Variants in TRAPPC9 observed in about 807,000 individuals in gnomAD.
TRAPPC9 encodes IKK2 binding protein.
Under a neutral mutation model 124.0 loss-of-function variants are expected in TRAPPC9, and 83 were observed. That is an observed-to-expected ratio of 0.67 (90% CI 0.56 to 0.80). TRAPPC9 has a LOEUF of 0.80. Ranked by LOEUF, TRAPPC9 falls within the 30% of genes least tolerant of loss-of-function variation. The pLI, the probability that TRAPPC9 is intolerant of heterozygous loss-of-function variation, is 0.00. For missense variants in TRAPPC9, 1,302 were observed against 1,508.3 expected (o/e 0.86, Z 2.27); for synonymous variants, 638 against 617.5 (o/e 1.03, Z -0.49).
chr8:140,178,213 G>A (rs2062115082), intron 17 of TRAPPC9, among the ~76,000 whole-genome samples: 1 of 152,100 alleles, frequency 6.6e-6, no homozygotes, highest in African/African-American at 2.4e-5. Context: ...CCGGCCTTAG[G>A]AGGAAAGCAT....
chr8:139,776,403 G>A lies in TRAPPC9; in HGVS notation c.3056-44201C>T, dbSNP rs906153333. On this transcript the variant is annotated intron_variant, in intron 21 of 22. Transcript: ENST00000438773. This position sits in a 1 kb window ranked among gnomAD's most constrained non-coding sequence, Gnocchi z 4.1. ...CCGTGACCCAAAGAGAGGTCACAACGAATTGGGAAGGATGGGGTGGCACCA... is the reference window on the plus strand; with the variant it reads ...CCGTGACCCAAAGAGAGGTCACAACAAATTGGGAAGGATGGGGTGGCACCA... Among the ~76,000 whole-genome samples the A allele has an allele frequency of 2.6e-5, 4 of 152,252 alleles. No individual in the cohort carries two copies. Among genetic ancestry groups the A allele is most frequent in the Non-Finnish European group, 4.4e-5 (3 of 68,050 alleles).
chr8:140,283,125 C>T (rs2065374185), intron 14 of TRAPPC9, among the ~76,000 whole-genome samples: 1 of 151,748 alleles, frequency 6.6e-6, no homozygotes, highest in Non-Finnish European at 1.5e-5. Context: ...GTAGTCCCAG[C>T]TACTTAGGAG....
In TRAPPC9 at chr8:140,036,346, G is replaced by A. The variant is rs1245835173; in HGVS notation, c.2557-12267C>T. Among the ~76,000 whole-genome samples, 7 of 152,134 alleles carry A rather than the reference G, an allele frequency of 4.6e-5. No homozygotes were observed. In the South Asian group the frequency reaches 6.2e-4, roughly 14 times the overall value. ...GGTGAAGACTGATGGGGACGTGTTC[G>A]GGGGGTGGCATGGAGTGAACATTGA... On this transcript the variant is annotated intron_variant, in intron 17 of 22. Transcript: ENST00000438773.
Position 140,177,968 on chromosome 8 carries a change from T to C in TRAPPC9, c.2556+43491A>G, listed in dbSNP as rs116180485. Among the ~76,000 whole-genome samples the C allele has an allele frequency of 3.1e-3, 468 of 152,268 alleles. 2 individuals are homozygous for C. The highest frequency in any genetic ancestry group is 9.9e-3 in the African/African-American group (410 of 41,570). On this transcript the variant is annotated intron_variant, in intron 17 of 22. Coordinates refer to ENST00000438773, the MANE Select transcript of TRAPPC9 (RefSeq NM_001160372.4). ...TTTCCAAATGTCCATTGATAATATA[T>C]AGACATAGGTTTGACTTTTGTATAT...
intron 17 of TRAPPC9, among the ~76,000 whole-genome samples, chr8:140,116,776 C>T (rs760989343): frequency 1.5e-4 from 23 of 152,054 alleles, no homozygotes; most frequent in Non-Finnish European, 2.5e-4. Context: ...CCAAAGGTAC[C>T]GTAGAGGTTC....
intron 21 of TRAPPC9, among the ~76,000 whole-genome samples, chr8:139,747,106 T>C (rs1192228330): frequency 6.6e-6 from 1 of 152,184 alleles, no homozygotes; most frequent in South Asian, 2.1e-4. Flanking sequence ...CCCCAAGCAA[T>C]GTCTCTACCT....
At chr8:140,028,805 G>A (rs77780697) in intron 17 of TRAPPC9, among the ~76,000 whole-genome samples, 2,627 of 152,308 alleles carry the variant, frequency 0.017, 86 homozygotes, top group African/African-American at 0.059. Context: ...TGAGAATACA[G>A]GAGGAGAAAG....
At chr8:139,856,441 C>A (rs962962342) in intron 21 of TRAPPC9, among the ~76,000 whole-genome samples, 1 of 152,118 alleles carries the variant, frequency 6.6e-6, no homozygotes, top group Non-Finnish European at 1.5e-5. Flanking sequence ...CCTCTGGGAC[C>A]GGGAGGCCAG....
intron 19 of TRAPPC9, among the ~76,000 whole-genome samples, chr8:139,922,746 C>T (rs1718131219): frequency 6.6e-6 from 1 of 152,200 alleles, no homozygotes; most frequent in Non-Finnish European, 1.5e-5. Flanking sequence ...GTGCATCTTC[C>T]TGCCTTCCTC....
At chr8:140,015,588 A>G (rs1259262485) in intron 18 of TRAPPC9, among the ~76,000 whole-genome samples, 3 of 152,080 alleles carry the variant, frequency 2.0e-5, no homozygotes, top group Admixed American at 2.0e-4. Flanking sequence ...AGGAGTTAAG[A>G]GTCCAGCCTG....
chr8:140,107,879 G>C (rs187766100), intron 17 of TRAPPC9, among the ~76,000 whole-genome samples: 15 of 142,470 alleles, frequency 1.1e-4, no homozygotes, highest in Admixed American at 2.8e-4. Flanking sequence ...AAACATTTAA[G>C]TCTGGCAGTT....
chr8:140,429,580 T>C (rs1045062074), intron 4 of TRAPPC9, among the ~76,000 whole-genome samples: 45 of 145,538 alleles, frequency 3.1e-4, no homozygotes, highest in African/African-American at 1.0e-3. Context: ...CCGAGGTGGG[T>C]GGATCACTTG....
At chr8:140,267,368 T>TCGA (rs1357767668) in intron 15 of TRAPPC9, among the ~76,000 whole-genome samples, 2 of 152,188 alleles carry the variant, frequency 1.3e-5, no homozygotes, top group African/African-American at 4.8e-5. Flanking sequence ...GCAAACAAGC[T>TCGA]CGACGTTGTC....
chr8:140,096,772 GAGAAAATGC>G (rs1487581647), intron 17 of TRAPPC9: 1 of 152,216 alleles, frequency 6.6e-6, no homozygotes, highest in Non-Finnish European at 1.5e-5. Context: ...GGTTGGAATT[GAGAAAATGC>G]AGAAGCTGCC....
At chr8:140,229,869 T>C (rs1290958955) in intron 16 of TRAPPC9, among the ~76,000 whole-genome samples, 1 of 152,200 alleles carries the variant, frequency 6.6e-6, no homozygotes, top group Non-Finnish European at 1.5e-5. Flanking sequence ...CCATATGTTT[T>C]CAATGTACCA....
At chr8:139,979,117 A>G (rs1006400640) in intron 19 of TRAPPC9, among the ~76,000 whole-genome samples, 5 of 147,254 alleles carry the variant, frequency 3.4e-5, no homozygotes, top group Non-Finnish European at 5.9e-5. Flanking sequence ...ACAGGAATGC[A>G]AGCACCACAA....
At chr8:139,757,149 GCAGGTCGCAGGAGGAGC>G (rs1819887021) in intron 21 of TRAPPC9, among the ~76,000 whole-genome samples, 1 of 133,498 alleles carries the variant, frequency 7.5e-6, no homozygotes, top group Non-Finnish European at 1.6e-5. Flanking sequence ...GATGAGGACA[GCAGGTCGCAGGAGGAGC>G]CAGGGTTTAG....
intron 19 of TRAPPC9, among the ~76,000 whole-genome samples, chr8:139,976,156 G>T (rs919516574): frequency 6.6e-6 from 1 of 152,010 alleles, no homozygotes; most frequent in Admixed American, 6.5e-5. Flanking sequence ...CTCCCAAAGT[G>T]CTGGGATTAC....
At chr8:140,086,767 T>A (rs1453579987) in intron 17 of TRAPPC9, among the ~76,000 whole-genome samples, 1 of 151,980 alleles carries the variant, frequency 6.6e-6, no homozygotes, top group African/African-American at 2.4e-5. Context: ...CCATCTCTAC[T>A]TTTTTAAAAA....
Sources: allele counts gnomAD v4.1 joint callset (sites outside exome capture counted in the v4.1 genomes callset), GRCh38; gene constraint gnomAD v4.1.1; non-coding constraint Gnocchi (gnomAD v3.1); transcripts MANE v1.5; gene names NCBI Gene and HGNC (gene_info 2026-07-23, HGNC 2026-07-21).